Variants in PARD3B observed in about 807,000 individuals in gnomAD.
PARD3B encodes par-3 family cell polarity regulator beta, also known as partitioning defective 3 homolog B.
A neutral mutation model predicts 130.2 loss-of-function variants in PARD3B; 103 were observed. That is an observed-to-expected ratio of 0.79 (90% confidence interval 0.67 to 0.93). The LOEUF (loss-of-function observed/expected upper bound fraction) is 0.93. PARD3B is among the 40% of genes least tolerant of loss of function. The pLI is 0.00. For missense variants in PARD3B, 1,609 were observed against 1,499.2 expected (o/e 1.07, Z -1.21); for synonymous variants, 583 against 553.2 (o/e 1.05, Z -0.76).
intron 15 of PARD3B, among the ~76,000 whole-genome samples, chr2:205,218,582 T>A (rs1295118870): frequency 6.6e-6 from 1 of 152,286 alleles, no homozygotes; most frequent in Non-Finnish European, 1.5e-5. Flanking sequence ...AGGCAAATAA[T>A]TGTAAATAGA....
chr2:205,288,725 C>A lies in PARD3B; in HGVS notation c.2186-11805C>A, dbSNP rs2041490714. ...CCCCAGGAGACGTGTTTGGACTTTT[C>A]CTCATGCCTTTTCCTCTAAGTGGTG... On this transcript the variant is annotated intron_variant, in intron 16 of 22. Transcript: ENST00000406610. This position sits in a 1 kb window ranked among gnomAD's most constrained non-coding sequence, Gnocchi z 4.0. 6.6e-6 allele frequency among the ~76,000 whole-genome samples: 1 copy of A among 152,192 alleles called. No individual in the cohort carries two copies. Among genetic ancestry groups the A allele is most frequent in the Non-Finnish European group, 1.5e-5 (1 of 68,028 alleles).
chr2:205,391,210 G>A (rs2045847483), intron 18 of PARD3B, among the ~76,000 whole-genome samples: 1 of 152,248 alleles, frequency 6.6e-6, no homozygotes. Context: ...GGTTTCCGGG[G>A]CAAAGGAGGT....
Position 205,300,525 on chromosome 2 carries a change from T to C in PARD3B, c.2186-5T>C. On this transcript the variant is annotated splice_region_variant and splice_polypyrimidine_tract_variant and intron_variant, in intron 16 of 22. Coordinates refer to ENST00000406610, the MANE Select transcript of PARD3B (RefSeq NM_001302769.2). This position sits in a 1 kb window ranked among gnomAD's most constrained non-coding sequence, Gnocchi z 4.1. ...AGGGGTGACCTTTTGCCCTTTCTTT[T>C]CCAGAATCTCCAAGCAAAGATTTTG... 1 of 1,611,696 alleles carries C rather than the reference T, an allele frequency of 6.2e-7. No individual in the cohort carries two copies. The highest frequency in any genetic ancestry group is 8.5e-7 in the Non-Finnish European group (1 of 1,178,554).
rs1290829242 is a variant in PARD3B at position 204,776,891 on chromosome 2, A to G, written c.222+90609A>G. Among the ~76,000 whole-genome samples, 9 of 152,056 alleles carry G rather than the reference A, an allele frequency of 5.9e-5. No individual in the cohort carries two copies. In the East Asian group the frequency reaches 1.8e-3, roughly 30 times the overall value. On this transcript the variant is annotated intron_variant, in intron 2 of 22. Coordinates refer to ENST00000406610, the MANE Select transcript of PARD3B (RefSeq NM_001302769.2). ...CCAGAGACCGCAAGGAGAGGATGGC[A>G]TACATAATGGGGGTGGGTAAAACAG...
At chr2:204,564,193 A>G (rs551889270) in intron 1 of PARD3B, among the ~76,000 whole-genome samples, 1 of 152,302 alleles carries the variant, frequency 6.6e-6, no homozygotes, top group East Asian at 1.9e-4. Flanking sequence ...AGCATGTGTC[A>G]TGTCCCCCAC....
chr2:205,010,675 C>T (rs1300850437), intron 3 of PARD3B, among the ~76,000 whole-genome samples: 2 of 151,962 alleles, frequency 1.3e-5, no homozygotes, highest in Admixed American at 1.3e-4. Context: ...ATTTTGTAGC[C>T]CCCAGTATGG....
intron 10 of PARD3B, among the ~76,000 whole-genome samples, chr2:205,147,463 T>C (rs1031268836): frequency 6.6e-6 from 1 of 152,170 alleles, no homozygotes; most frequent in African/African-American, 2.4e-5. Context: ...GAACAGGCAA[T>C]ATGGAATGGC....
At chr2:204,882,988 C>T (rs12619403) in intron 2 of PARD3B, among the ~76,000 whole-genome samples, 11 of 152,260 alleles carry the variant, frequency 7.2e-5, no homozygotes, top group African/African-American at 1.7e-4. Flanking sequence ...ATGAGCTTCC[C>T]GTGCTCCTGT....
At chr2:204,855,300 T>C (rs2044878596) in intron 2 of PARD3B, among the ~76,000 whole-genome samples, 1 of 152,100 alleles carries the variant, frequency 6.6e-6, no homozygotes, top group African/African-American at 2.4e-5. Flanking sequence ...ATCCCAGCAC[T>C]TTGGGAGGCC....
At chr2:204,870,520 T>G (rs529127186) in intron 2 of PARD3B, among the ~76,000 whole-genome samples, 1 of 152,212 alleles carries the variant, frequency 6.6e-6, no homozygotes, top group South Asian at 2.1e-4. Flanking sequence ...ATCTCAAAGA[T>G]GGAGGAGAAT....
intron 4 of PARD3B, among the ~76,000 whole-genome samples, chr2:205,065,239 G>T (rs533599384): frequency 2.6e-5 from 4 of 152,142 alleles, no homozygotes; most frequent in Admixed American, 6.5e-5. Context: ...AGAGTGAGAA[G>T]ATTACAATAT....
intron 15 of PARD3B, among the ~76,000 whole-genome samples, chr2:205,226,891 C>T (rs1360283871): frequency 6.6e-6 from 1 of 152,000 alleles, no homozygotes; most frequent in East Asian, 1.9e-4. Context: ...TTTTCTGTTT[C>T]TGTGAAGAAT....
chr2:204,950,716 G>C (rs1689698784), intron 2 of PARD3B, among the ~76,000 whole-genome samples: 1 of 152,156 alleles, frequency 6.6e-6, no homozygotes, highest in African/African-American at 2.4e-5. Flanking sequence ...TGTCTTCTAA[G>C]GTAGTACTAT....
chr2:205,143,008 C>T (rs920051725), intron 10 of PARD3B, among the ~76,000 whole-genome samples: 1 of 152,104 alleles, frequency 6.6e-6, no homozygotes, highest in African/African-American at 2.4e-5. Context: ...GCATATTGTT[C>T]CTGTGCTGAT....
intron 2 of PARD3B, among the ~76,000 whole-genome samples, chr2:204,875,210 A>G (rs945504583): frequency 1.3e-5 from 2 of 152,136 alleles, no homozygotes; most frequent in Admixed American, 1.3e-4. Flanking sequence ...GGACATTTTA[A>G]TCACCTCAGA....
chr2:204,878,113 G>T (rs2045912736), intron 2 of PARD3B, among the ~76,000 whole-genome samples: 1 of 152,084 alleles, frequency 6.6e-6, no homozygotes, highest in South Asian at 2.1e-4. Context: ...CAGCAGTTTT[G>T]TTGGCACTGT....
intron 19 of PARD3B, among the ~76,000 whole-genome samples, chr2:205,436,642 T>TTACCAG (rs1350820156): frequency 6.6e-6 from 1 of 152,084 alleles, no homozygotes; most frequent in Non-Finnish European, 1.5e-5. Flanking sequence ...GGCATAGTGG[T>TTACCAG]CTAAGGTTAC....
chr2:205,264,693 T>G (rs2040438658), intron 16 of PARD3B, among the ~76,000 whole-genome samples: 1 of 151,094 alleles, frequency 6.6e-6, no homozygotes, highest in African/African-American at 2.4e-5. Context: ...TTTGATCAAC[T>G]GACAAAAGTC....
chr2:205,104,787 G>A lies in PARD3B; in HGVS notation c.593+273G>A, dbSNP rs532074646. ...AAATACTTTTTTCTCTCCTCAAACA[G>A]CAATTTCAAATGAACATTTCAGAGG... On this transcript the variant is annotated intron_variant, in intron 5 of 22. Transcript: ENST00000406610. Among the ~76,000 whole-genome samples the A allele has an allele frequency of 5.3e-5, 8 of 152,160 alleles. No individual in the cohort carries two copies. In the South Asian group the frequency reaches 1.7e-3, roughly 32 times the overall value.
Sources: allele counts gnomAD v4.1 joint callset (sites outside exome capture counted in the v4.1 genomes callset), GRCh38; gene constraint gnomAD v4.1.1; non-coding constraint Gnocchi (gnomAD v3.1); transcripts MANE v1.5; gene names NCBI Gene and HGNC (gene_info 2026-07-23, HGNC 2026-07-21).